Variants in MAGI2 observed in about 807,000 individuals in gnomAD.
MAGI2 encodes the protein membrane associated guanylate kinase, WW and PDZ domain containing 2.
MAGI2 carries 35 observed loss-of-function variants against 133.3 expected under a neutral mutation model. The observed-to-expected ratio is 0.26, with a 90% confidence interval of 0.20 to 0.35. The LOEUF (loss-of-function observed/expected upper bound fraction) is 0.35, where lower values mean the gene tolerates loss of function less well. Among genes scored for constraint, MAGI2 ranks in the 10% least tolerant of loss-of-function variants. The probability of loss-of-function intolerance (pLI) is 1.00; values close to 1 mark genes in which losing one functional copy is unlikely to be tolerated. For synonymous variants in MAGI2, 729 were observed against 710.6 expected (o/e 1.03, Z -0.41); for missense variants, 1,636 against 1,863.4 (o/e 0.88, Z 2.25).
chr7:79,352,311 G>T (rs547530539), intron 1 of MAGI2, among the ~76,000 whole-genome samples: 22 of 152,270 alleles, frequency 1.4e-4, no homozygotes, highest in African/African-American at 5.3e-4. Flanking sequence ...TTAACTGAAA[G>T]GAAATTTTGG....
Position 78,777,623 on chromosome 7 carries a change from G to A in MAGI2, c.419-150384C>T, listed in dbSNP as rs142009237. Among the ~76,000 whole-genome samples, 1,158 of 152,200 alleles carry A rather than the reference G, an allele frequency of 7.6e-3. 15 individuals carry two copies. The highest frequency in any genetic ancestry group is 0.026 in the African/African-American group (1,085 of 41,518). On this transcript the variant is annotated intron_variant, in intron 2 of 21. Transcript: ENST00000354212. The stretch of plus-strand genomic sequence containing the variant: ...ATGTACCAGACACTGTTCTAAATAA[G>A]TACAAAGTAAGTGCTAGCTTTCACC...
intron 20 of MAGI2, among the ~76,000 whole-genome samples, chr7:78,123,576 G>A (rs1443778405): frequency 6.6e-6 from 1 of 152,182 alleles, no homozygotes; most frequent in East Asian, 1.9e-4. Flanking sequence ...AATCGAGAGG[G>A]CTGCTGAGTA....
intron 10 of MAGI2, among the ~76,000 whole-genome samples, chr7:78,219,902 TTCCTC>T (rs1432364243): frequency 6.6e-6 from 1 of 152,206 alleles, no homozygotes; most frequent in African/African-American, 2.4e-5. Context: ...ATTCCTTCCT[TTCCTC>T]TATTCCTGTC....
intron 3 of MAGI2, among the ~76,000 whole-genome samples, chr7:78,529,556 C>T (rs532278787): frequency 2.0e-5 from 3 of 151,796 alleles, no homozygotes; most frequent in East Asian, 1.9e-4. Context: ...GTATTAAATC[C>T]CTTAGAATAG....
chr7:79,149,051 TA>T (rs1350145788), intron 1 of MAGI2, among the ~76,000 whole-genome samples: 1 of 143,548 alleles, frequency 7.0e-6, no homozygotes, highest in Non-Finnish European at 1.5e-5. Flanking sequence ...TATATATATA[TA>T]ATATAATATA....
At chr7:79,449,881 T>TACAC (rs879788965) in intron 1 of MAGI2, among the ~76,000 whole-genome samples, 1 of 135,558 alleles carries the variant, frequency 7.4e-6, no homozygotes, top group East Asian at 2.2e-4. Context: ...TATATACATA[T>TACAC]ATATATATAT....
In MAGI2 at chr7:78,688,973, T is replaced by C. The variant is rs456129; in HGVS notation, c.419-61734A>G. On this transcript the variant is annotated intron_variant, in intron 2 of 21. Transcript: ENST00000354212. ...AGTAGTCCAGGAAAGTTAACATTATTTTTCAGTACTCTCTTTCTTTAAACA... is the reference window on the plus strand; with the variant it reads ...AGTAGTCCAGGAAAGTTAACATTATCTTTCAGTACTCTCTTTCTTTAAACA... Among the ~76,000 whole-genome samples the C allele has an allele frequency of 2.2e-3, 341 of 152,312 alleles. 1 individual carries two copies. The highest frequency in any genetic ancestry group is 3.7e-3 in the Non-Finnish European group (250 of 68,018).
chr7:78,787,505 A>G (rs1826935501), intron 2 of MAGI2, among the ~76,000 whole-genome samples: 1 of 152,178 alleles, frequency 6.6e-6, no homozygotes, highest in Non-Finnish European at 1.5e-5. Context: ...AAACTCTCCT[A>G]TTTCAGGATT....
intron 2 of MAGI2, among the ~76,000 whole-genome samples, chr7:78,857,721 T>G: frequency 6.6e-6 from 1 of 152,202 alleles, no homozygotes; most frequent in Non-Finnish European, 1.5e-5. Context: ...TCTCTTTTTT[T>G]GTTGTGTCTC....
At chr7:78,503,738 A>G (rs1794851357) in intron 4 of MAGI2, among the ~76,000 whole-genome samples, 1 of 142,074 alleles carries the variant, frequency 7.0e-6, no homozygotes, top group African/African-American at 2.7e-5. Context: ...CCTCCTCATC[A>G]TCTCAGAAGT....
At position 78,970,330 on chromosome 7, in the gene MAGI2, A is replaced by G. The variant is rs570380914; in HGVS notation, c.418+36760T>C. 4.7e-3 allele frequency among the ~76,000 whole-genome samples: 713 copies of G among 152,052 alleles called. 5 individuals are homozygous for G. Among genetic ancestry groups the G allele is most frequent in the Non-Finnish European group, 6.1e-3 (412 of 67,958 alleles). ...TAATTTTTCCCAGCCCCTTTAAGAG[A>G]TATTTGTTGAGATTCCAGCAACTTG... On this transcript the variant is annotated intron_variant, in intron 2 of 21. Transcript: ENST00000354212.
In MAGI2 at chr7:79,381,279, AC is replaced by A. The variant is rs144707502; in HGVS notation, c.301+71740del. The stretch of plus-strand genomic sequence containing the variant: ...TATAATCTTTCTTCTCTATGTCAAC[AC>A]CTTTTTTCTTGATTTTCTAAAGGGA... On this transcript the variant is annotated intron_variant, in intron 1 of 21. Transcript: ENST00000354212. 8.5e-3 allele frequency among the ~76,000 whole-genome samples: 1,284 copies of A among 151,552 alleles called. 12 individuals are homozygous for A. The highest frequency in any genetic ancestry group is 0.03 in the African/African-American group (1,232 of 41,406).
chr7:78,824,087 A>G (rs1336317333), intron 2 of MAGI2, among the ~76,000 whole-genome samples: 1 of 152,228 alleles, frequency 6.6e-6, no homozygotes, highest in Non-Finnish European at 1.5e-5. Context: ...TTGGTTATTG[A>G]TAAACACATT....
At chr7:78,865,508 G>C (rs1351854005) in intron 2 of MAGI2, among the ~76,000 whole-genome samples, 2 of 152,140 alleles carry the variant, frequency 1.3e-5, no homozygotes. Flanking sequence ...GTTGTCTGTG[G>C]TTTCCAATGT....
chr7:78,717,275 G>GCA (rs57370898), intron 2 of MAGI2, among the ~76,000 whole-genome samples: 58,191 of 150,884 alleles, frequency 0.39, 11,493 homozygotes, highest in African/African-American at 0.48. Context: ...ACACAACACA[G>GCA]CACACACACA....
chr7:78,722,775 A>G (rs1820390051), intron 2 of MAGI2, among the ~76,000 whole-genome samples: 1 of 152,088 alleles, frequency 6.6e-6, no homozygotes, highest in African/African-American at 2.4e-5. Flanking sequence ...TTTCTTAGAC[A>G]GTTTGTCTAA....
At chr7:79,404,135 C>A (rs1845649761) in intron 1 of MAGI2, among the ~76,000 whole-genome samples, 1 of 152,108 alleles carries the variant, frequency 6.6e-6, no homozygotes, top group African/African-American at 2.4e-5. Context: ...AAAAATGACA[C>A]CTGGCAAGGA....
intron 5 of MAGI2, 38 bp downstream of exon 5, chr7:78,501,539 C>T: frequency 2.0e-6 from 3 of 1,513,206 alleles, no homozygotes; most frequent in Admixed American, 1.7e-5. Flanking sequence ...CCCGCTATGA[C>T]CTTTTTGGCA....
rs1805387607 is a variant in MAGI2, at chr7:78,603,121, A to G, written c.538+23999T>C. Among the ~76,000 whole-genome samples the G allele has an allele frequency of 2.0e-5, 3 of 152,142 alleles. 1 individual carries two copies. In the South Asian group the frequency reaches 6.2e-4, roughly 31 times the overall value. On this transcript the variant is annotated intron_variant, in intron 3 of 21. Coordinates refer to ENST00000354212, the MANE Select transcript of MAGI2 (RefSeq NM_012301.4). ...TCAAAGACCTCTTGTATTTTTTTCA[A>G]TTAAAGTGACAGAATTACTGAGAAG...
Sources: gnomAD v4.1 joint callset for allele counts (sites outside exome capture counted in the v4.1 genomes callset) on GRCh38, gnomAD v4.1.1 for gene constraint, MANE v1.5 for transcripts, NCBI Gene and HGNC (gene_info 2026-07-23, HGNC 2026-07-21) for gene names.